The following RXYLT1 variants were observed in gnomAD, a reference collection of about 807,000 sequenced individuals.
RXYLT1 encodes the protein ribitol xylosyltransferase 1.
A neutral mutation model predicts 43.5 loss-of-function variants in RXYLT1; 41 were observed. The ratio of observed to expected loss-of-function variants is 0.94; its 90% CI spans 0.73 to 1.22. The LOEUF is 1.22. Ranked by LOEUF, RXYLT1 falls within the 50% of genes most tolerant of loss-of-function variation. The pLI is 0.00. For missense variants in RXYLT1, 514 were observed against 532.0 expected (o/e 0.97, Z 0.33); for synonymous variants, 166 against 194.4 (o/e 0.85, Z 1.21).
At chr12:63,780,482 A>T (rs1034037244) in intron 1 of RXYLT1, 80 of 1,104,862 alleles carry the variant, frequency 7.2e-5, no homozygotes, top group Middle Eastern at 3.9e-4. Flanking sequence ...ATCCGTTTCC[A>T]TGTTGAAACA....
rs769348714 is a variant in RXYLT1 at position 63,785,037 on chromosome 12, A to G, written c.393A>G (p.Arg131=). The part of the protein sequence containing the change: ...LDPSDVTAQW[R]EGKSIVGRTQ... ...CCAGCGATGTGACTGCTCAATGGAG[A>G]GAAGGAAAGTCAATCGTAGGAAGAA... Residue 131 remains arginine, a synonymous_variant, in exon 3 of 6, where the codon AGA becomes AGG. Transcript: ENST00000261234. 1.2e-6 allele frequency: 2 copies of G among 1,613,874 alleles called. No individual in the cohort carries two copies. The highest frequency in any genetic ancestry group is 1.7e-6 in the Non-Finnish European group (2 of 1,179,790).
chr12:63,808,630 ATACTTAG>A (rs1435130136), intron 5 of RXYLT1, 38 bp from the exon 6 acceptor site: 1 of 1,572,024 alleles, frequency 6.4e-7, no homozygotes, highest in South Asian at 1.2e-5. Flanking sequence ...CACAAACTAT[ATACTTAG>A]TAAAGTGAAA....
chr12:63,795,284 AAAAG>A (rs1565903303), intron 3 of RXYLT1, among the ~76,000 whole-genome samples: 1 of 150,830 alleles, frequency 6.6e-6, no homozygotes, highest in South Asian at 2.1e-4. Flanking sequence ...GTGTCAAAAA[AAAAG>A]AAGAAGAAGA....
Position 63,781,061 on chromosome 12 carries a change from G to A in RXYLT1, c.212G>A (p.Gly71Glu). 2 of 1,607,398 alleles carry A rather than the reference G, an allele frequency of 1.2e-6. No homozygotes were observed. Among genetic ancestry groups the A allele is most frequent in the South Asian group, 1.1e-5 (1 of 89,646 alleles). The stretch of plus-strand genomic sequence containing the variant: ...AGTGAAGAATGGAATCCTTGGGAAG[G>A]AGATGAAAAAAATGAGCAACAACAC... ...LESEEWNPWEGDEKNEQQHRF... is the reference protein window; with the variant it reads ...LESEEWNPWEEDEKNEQQHRF... Residue 71 changes from glycine to glutamate, a missense_variant, in exon 2 of 6, where the codon GGA (glycine) becomes GAA (glutamate). Physicochemically the swap from Gly to Glu is moderately conservative, Grantham distance 98 (BLOSUM62 -2). Transcript: ENST00000261234.
chr12:63,782,085 CCAG>C (rs1358769125), intron 2 of RXYLT1, among the ~76,000 whole-genome samples: 7 of 152,090 alleles, frequency 4.6e-5, no homozygotes, highest in Non-Finnish European at 1.0e-4. Flanking sequence ...ATTTTCATTT[CCAG>C]ACTTCTCTCT....
At chr12:63,781,727 A>C (rs952881479) in intron 2 of RXYLT1, among the ~76,000 whole-genome samples, 2 of 151,970 alleles carry the variant, frequency 1.3e-5, no homozygotes, top group Admixed American at 1.3e-4. Context: ...GTAGTGTTCT[A>C]AGATATATAT....
chr12:63,804,664 G>A (rs888351191), intron 4 of RXYLT1: 3 of 152,238 alleles, frequency 2.0e-5, no homozygotes, highest in African/African-American at 4.8e-5. Context: ...AACAATTTTT[G>A]TGGTAAAAAC....
chr12:63,781,827 T>G (rs1355160856), intron 2 of RXYLT1, among the ~76,000 whole-genome samples: 1 of 152,150 alleles, frequency 6.6e-6, no homozygotes, highest in Non-Finnish European at 1.5e-5. Flanking sequence ...CCTTTGAACA[T>G]GAGTTGGGTT....
chr12:63,802,209 T>C lies in RXYLT1; in HGVS notation c.547T>C (p.Tyr183His), dbSNP rs1898176349. 6.2e-7 allele frequency: 1 copy of C among 1,614,152 alleles called. No homozygotes were observed. Among genetic ancestry groups the C allele is most frequent in the Non-Finnish European group, 8.5e-7 (1 of 1,180,020 alleles). Reference sequence around the variant, plus strand: ...CTTTTATGCCACCCAGTGGTTACTTTATGCACAAAATTTAGTGCAAATTCA... The same window carrying C: ...CTTTTATGCCACCCAGTGGTTACTTCATGCACAAAATTTAGTGCAAATTCA... ...KIFYATQWLL[Y>H]AQNLVQIQKL... The change falls in exon 4 of 6, where the codon TAT becomes CAT. Residue 183 changes from tyrosine to histidine, a missense_variant. Tyr to His is a moderately conservative substitution (Grantham distance 83). Coordinates refer to ENST00000261234, the MANE Select transcript of RXYLT1 (RefSeq NM_014254.3).
chr12:63,780,521 A>G (rs113883424), intron 1 of RXYLT1: 3 of 1,040,124 alleles, frequency 2.9e-6, no homozygotes, highest in Non-Finnish European at 3.5e-6. Context: ...CAGTGACCAT[A>G]AGGCAGACTT....
At position 63,784,967 on chromosome 12, in the gene RXYLT1, C is replaced by G. The variant is rs1298243428; in HGVS notation, c.326-3C>G. 5 of 1,611,884 alleles carry G rather than the reference C, an allele frequency of 3.1e-6. No homozygotes were observed. The highest frequency in any genetic ancestry group is 1.1e-5 in the South Asian group (1 of 91,022). Reference sequence around the variant, plus strand: ...TGATTTTGTTTTTGTTGTTAATTACCAGGCTTGTATCTCTGGGAGCATATT... The same window carrying G: ...TGATTTTGTTTTTGTTGTTAATTACGAGGCTTGTATCTCTGGGAGCATATT... On this transcript the variant is annotated splice_polypyrimidine_tract_variant and splice_region_variant and intron_variant, in intron 2 of 5. Coordinates refer to ENST00000261234, the MANE Select transcript of RXYLT1 (RefSeq NM_014254.3).
At chr12:63,782,075 A>G (rs938662386) in intron 2 of RXYLT1, among the ~76,000 whole-genome samples, 1 of 152,098 alleles carries the variant, frequency 6.6e-6, no homozygotes. Flanking sequence ...TAAATCTCAG[A>G]TTTTCATTTC....
chr12:63,786,856 G>A (rs1897814501), intron 3 of RXYLT1, among the ~76,000 whole-genome samples: 1 of 152,184 alleles, frequency 6.6e-6, no homozygotes, highest in Admixed American at 6.5e-5. Context: ...GCTCATGCCT[G>A]TAATCCCAGT....
At chr12:63,805,040 G>C (rs1052311641) in intron 4 of RXYLT1, 194 bp from the exon 5 acceptor site, 3 of 449,960 alleles carry the variant, frequency 6.7e-6, no homozygotes, top group Non-Finnish European at 7.7e-6. Flanking sequence ...AGAGATGTCA[G>C]TGTGAAATTC....
chr12:63,806,999 T>A (rs1898309212), intron 5 of RXYLT1: 1 of 152,292 alleles, frequency 6.6e-6, no homozygotes, highest in Non-Finnish European at 1.5e-5. Context: ...CCTCAGCCAT[T>A]CTCTCTCATG....
intron 5 of RXYLT1, 168 bp downstream of exon 5, chr12:63,805,572 T>C: frequency 1.0e-5 from 6 of 598,052 alleles, no homozygotes; most frequent in Non-Finnish European, 1.6e-5. Flanking sequence ...TGTACACATT[T>C]AGAATAGAGA....
Position 63,784,070 on chromosome 12 carries a change from T to C in RXYLT1, c.326-900T>C, listed in dbSNP as rs963145437. On this transcript the variant is annotated intron_variant, in intron 2 of 5. Coordinates refer to ENST00000261234, the MANE Select transcript of RXYLT1 (RefSeq NM_014254.3). ...GATAATCTATAATAATCTCTTCACC[T>C]CAGCATCCTTAACTTAATCATATTT... 2.6e-5 allele frequency among the ~76,000 whole-genome samples: 4 copies of C among 152,198 alleles called. No individual in the cohort carries two copies. In the South Asian group the frequency reaches 8.3e-4, roughly 32 times the overall value.
At chr12:63,782,442 A>G (rs1347322843) in intron 2 of RXYLT1, 7 of 452,168 alleles carry the variant, frequency 1.5e-5, no homozygotes, top group Non-Finnish European at 2.7e-5. Context: ...AAGTAGCACA[A>G]GTTTGCAGCT....
intron 4 of RXYLT1, among the ~76,000 whole-genome samples, chr12:63,802,666 C>G (rs562914250): frequency 1.1e-4 from 16 of 151,838 alleles, no homozygotes; most frequent in Non-Finnish European, 2.4e-4. Context: ...ATTTTTCAAG[C>G]TTATTAGGAG....
Sources: allele counts gnomAD v4.1 joint callset (sites outside exome capture counted in the v4.1 genomes callset), GRCh38; gene constraint gnomAD v4.1.1; transcripts MANE v1.5; gene names NCBI Gene and HGNC (gene_info 2026-07-23, HGNC 2026-07-21).